SOD2: variants seen among roughly 807,000 people sequenced by gnomAD.
The protein encoded by SOD2 is superoxide dismutase [Mn], mitochondrial.
Under a neutral mutation model 27.0 loss-of-function variants are expected in SOD2, and 11 were observed. The ratio of observed to expected loss-of-function variants is 0.41; its 90% confidence interval spans 0.26 to 0.67. The LOEUF is 0.67. Ranked by LOEUF, SOD2 falls within the 30% of genes least tolerant of loss-of-function variation. The pLI is 0.34. For synonymous variants in SOD2, 105 were observed against 103.0 expected (o/e 1.02, Z -0.12); for missense variants, 250 against 274.5 (o/e 0.91, Z 0.63).
At chr6:159,692,372 G>C in intron 2 of SOD2, 1 of 1,307,734 alleles carries the variant, frequency 7.6e-7, no homozygotes, top group Non-Finnish European at 9.8e-7. Context: ...CAATTCACCA[G>C]TGCTGGCAAT....
intron 1 of SOD2, among the ~76,000 whole-genome samples, chr6:159,705,906 A>G (rs2114813501): frequency 6.6e-6 from 1 of 151,910 alleles, no homozygotes; most frequent in South Asian, 2.1e-4. Context: ...CCATCAGACT[A>G]ACAGCTGATC....
chr6:159,718,012 T>C (rs761948789), intron 1 of SOD2, among the ~76,000 whole-genome samples: 3 of 151,822 alleles, frequency 2.0e-5, no homozygotes, highest in Non-Finnish European at 4.4e-5. Flanking sequence ...CTTTCTGGGA[T>C]AGGGTCTCTC....
At chr6:159,714,044 G>A (rs1485123340) in intron 1 of SOD2, 1 of 637,666 alleles carries the variant, frequency 1.6e-6, no homozygotes, top group Non-Finnish European at 2.8e-6. Flanking sequence ...TGGTGTAGTG[G>A]GCAATTATCC....
At chr6:159,690,927 G>A (rs2114787153) in intron 2 of SOD2, 1 of 151,660 alleles carries the variant, frequency 6.6e-6, no homozygotes, top group Non-Finnish European at 1.5e-5. Context: ...GCTTTTTGTT[G>A]AAAAATATTC....
chr6:159,717,146 G>C (rs1208447273), intron 1 of SOD2, among the ~76,000 whole-genome samples: 3 of 152,124 alleles, frequency 2.0e-5, no homozygotes, highest in Non-Finnish European at 4.4e-5. Context: ...CCAGTAGCTG[G>C]ACAAGCCTGT....
chr6:159,755,281 G>T, intron 1 of SOD2: 1 of 1,614,202 alleles, frequency 6.2e-7, no homozygotes, highest in Non-Finnish European at 8.5e-7. Context: ...GCCAGAGGAC[G>T]TCTGGGTCTG....
intron 2 of SOD2, 175 bp downstream of exon 2, chr6:159,692,483 CCTT>C (rs1410522861): frequency 2.7e-5 from 39 of 1,444,072 alleles, no homozygotes; most frequent in Non-Finnish European, 3.6e-5. Flanking sequence ...TCGAGGCACT[CCTT>C]CTACAATGAG....
chr6:159,754,962 G>A, intron 1 of SOD2: 1 of 1,442,120 alleles, frequency 6.9e-7, no homozygotes, highest in Non-Finnish European at 9.2e-7. Flanking sequence ...TTTGTGGCAG[G>A]CACTAAAGAA....
exon 1 of SOD2, chr6:159,761,999 G>C (rs1461810560): frequency 2.0e-6 from 3 of 1,507,824 alleles, no homozygotes; most frequent in South Asian, 2.3e-5. Flanking sequence ...GCTACCTCAG[G>C]TCCCGCCCGC....
chr6:159,733,212 G>A (rs1410033157), intron 1 of SOD2, among the ~76,000 whole-genome samples: 2 of 152,288 alleles, frequency 1.3e-5, no homozygotes, highest in East Asian at 3.9e-4. Context: ...TAGTAATATG[G>A]TTTATGTCTT....
chr6:159,747,416 T>C (rs745813469), upstream of SOD2, among the ~76,000 whole-genome samples: 2 of 152,126 alleles, frequency 1.3e-5, no homozygotes, highest in African/African-American at 4.8e-5. Context: ...AAATAAGCAG[T>C]TTGGATTAGG....
intron 1 of SOD2, among the ~76,000 whole-genome samples, chr6:159,710,859 C>G (rs947399046): frequency 6.6e-6 from 1 of 151,150 alleles, no homozygotes; most frequent in Non-Finnish European, 1.5e-5. Context: ...ACCTCATAAC[C>G]ACCACTCAGC....
chr6:159,704,395 A>G (rs1000494458), intron 1 of SOD2, among the ~76,000 whole-genome samples: 1 of 152,200 alleles, frequency 6.6e-6, no homozygotes, highest in African/African-American at 2.4e-5. Context: ...GCTGTGACAG[A>G]CGGCACCTGG....
intron 4 of SOD2, among the ~76,000 whole-genome samples, chr6:159,683,994 CT>C (rs1212939386): frequency 6.6e-6 from 1 of 152,208 alleles, no homozygotes; most frequent in Non-Finnish European, 1.5e-5. Context: ...ACTCATGGCT[CT>C]ATTTCCCATA....
chr6:159,691,479 A>C (rs1777184866), intron 2 of SOD2: 1 of 152,254 alleles, frequency 6.6e-6, no homozygotes, highest in South Asian at 2.1e-4. Flanking sequence ...AACAAATTTC[A>C]TAACCCCGAA....
chr6:159,761,580 C>A (rs1185804842), exon 1 of SOD2: 2 of 456,306 alleles, frequency 4.4e-6, no homozygotes, highest in South Asian at 3.1e-5. Flanking sequence ...TGTGCTGAGA[C>A]CCGCCGCGGG....
intron 1 of SOD2, among the ~76,000 whole-genome samples, chr6:159,723,884 A>G (rs926751607): frequency 3.3e-5 from 5 of 152,084 alleles, no homozygotes; most frequent in Non-Finnish European, 5.9e-5. Context: ...TCAGCCTCCC[A>G]AGTAGCTAGG....
At chr6:159,759,358 C>T (rs1287247132) in intron 1 of SOD2, among the ~76,000 whole-genome samples, 3 of 146,330 alleles carry the variant, frequency 2.1e-5, no homozygotes, top group African/African-American at 7.4e-5. Context: ...CGCGGCCGGC[C>T]AAGACATAAT....
At chr6:159,734,210 TA>T (rs1778765248) in intron 1 of SOD2, among the ~76,000 whole-genome samples, 1 of 151,952 alleles carries the variant, frequency 6.6e-6, no homozygotes, top group South Asian at 2.1e-4. Flanking sequence ...GACAGGGTCT[TA>T]CCACATTGCC....
Sources: gnomAD v4.1 joint callset for allele counts (sites outside exome capture counted in the v4.1 genomes callset) on GRCh38, gnomAD v4.1.1 for gene constraint, MANE v1.5 for transcripts, NCBI Gene and HGNC (gene_info 2026-07-23, HGNC 2026-07-21) for gene names.